Variants in USP31 observed in about 807,000 individuals in gnomAD.
USP31 encodes ubiquitin carboxyl-terminal hydrolase 31.
A neutral mutation model predicts 119.4 loss-of-function variants in USP31; 44 were observed. The observed-to-expected ratio is 0.37, with a 90% confidence interval of 0.29 to 0.47. The LOEUF (loss-of-function observed/expected upper bound fraction) is 0.47, where lower values mean the gene tolerates loss of function less well. Among genes scored for constraint, USP31 ranks in the 20% least tolerant of loss-of-function variants. The probability of loss-of-function intolerance (pLI) is 0.99; values close to 1 mark genes in which losing one functional copy is unlikely to be tolerated. For missense variants in USP31, 1,643 were observed against 1,730.2 expected, an observed-to-expected ratio of 0.95 and a Z score of 0.89; for synonymous variants, 749 against 705.6, an observed-to-expected ratio of 1.06 and a Z score of -0.97.
chr16:23,062,734 C>T lies in USP31; in HGVS notation c.*5312G>A, dbSNP rs1281602698. ...ACTAAGACCACCAATTTCCACCAGA[C>T]TGGCGAGTGCTAGGCCATTCACAAC... On this transcript the variant is annotated 3_prime_UTR_variant, in exon 16 of 16. Transcript: ENST00000219689. 6.6e-6 allele frequency: 1 copy of T among 152,636 alleles called. No individual in the cohort carries two copies. The highest frequency in any genetic ancestry group is 2.4e-5 in the African/African-American group (1 of 41,470). The allele number at this position is 152,636 out of a possible 1,614,324, so 9.5% of individuals were successfully genotyped here.
At chr16:23,088,771 C>T (rs1901225801) in intron 7 of USP31, among the ~76,000 whole-genome samples, 1 of 152,188 alleles carries the variant, frequency 6.6e-6, no homozygotes, top group Non-Finnish European at 1.5e-5. Flanking sequence ...CTGCCTCCAC[C>T]AATAGGCTGT....
chr16:23,123,816 A>C (rs1205568839), intron 1 of USP31, among the ~76,000 whole-genome samples: 1 of 152,110 alleles, frequency 6.6e-6, no homozygotes, highest in African/African-American at 2.4e-5. Context: ...CCCAGGCAAC[A>C]AAGAGAGACC....
At chr16:23,116,162 T>C (rs1233002639) in intron 1 of USP31, among the ~76,000 whole-genome samples, 1 of 152,124 alleles carries the variant, frequency 6.6e-6, no homozygotes, top group Non-Finnish European at 1.5e-5. Context: ...TTTGATTCTA[T>C]GCCAGAAGAA....
At chr16:23,084,264 T>C (rs1900991063) in intron 11 of USP31, among the ~76,000 whole-genome samples, 1 of 152,184 alleles carries the variant, frequency 6.6e-6, no homozygotes, top group Non-Finnish European at 1.5e-5. Flanking sequence ...AAGAGGCTTA[T>C]TTATCCATCT....
At chr16:23,088,534 C>T (rs145866451) in intron 7 of USP31, among the ~76,000 whole-genome samples, 5 of 152,296 alleles carry the variant, frequency 3.3e-5, no homozygotes, top group African/African-American at 1.2e-4. Flanking sequence ...CTCTCATCCA[C>T]GCCCAGTCAG....
At chr16:23,142,961 G>A (rs1367237273) in intron 1 of USP31, among the ~76,000 whole-genome samples, 1 of 152,188 alleles carries the variant, frequency 6.6e-6, no homozygotes. Context: ...CCATGGGTTT[G>A]CAGCATAGCA....
At chr16:23,084,629 T>C (rs747601406) in intron 11 of USP31, among the ~76,000 whole-genome samples, 1 of 152,208 alleles carries the variant, frequency 6.6e-6, no homozygotes, top group Non-Finnish European at 1.5e-5. Context: ...AAAAGAACTA[T>C]GAAGGTTCAT....
At chr16:23,098,511 CA>C (rs1901713374) in intron 6 of USP31, among the ~76,000 whole-genome samples, 1 of 152,110 alleles carries the variant, frequency 6.6e-6, no homozygotes, top group African/African-American at 2.4e-5. Flanking sequence ...CCCGCATCAC[CA>C]AGACAATCCT....
In USP31 at chr16:23,080,055, C is replaced by T; in HGVS notation, c.2067G>A (p.Trp689Ter). ...GTCCATAGGGCCGTCTCCACGGGGA[C>T]CAATGCGATGGCAAACTCCAGCTGC... Reference protein sequence around the residue: ...SQSSWSLPSHWSPWRRPYGLG... With the variant: ...SQSSWSLPSH The change falls in exon 13 of 16, where the codon TGG (tryptophan) becomes TGA (stop). Residue 689 changes from tryptophan to a stop codon, truncating the protein, a stop_gained. Coordinates refer to ENST00000219689, the MANE Select transcript of USP31 (RefSeq NM_020718.4). LOFTEE classifies it high-confidence loss of function. 6.2e-7 allele frequency: 1 copy of T among 1,614,098 alleles called. No individual in the cohort carries two copies. Among genetic ancestry groups the T allele is most frequent in the South Asian group, 1.1e-5 (1 of 91,068 alleles).
At chr16:23,096,104 T>C (rs1435003540) in intron 6 of USP31, among the ~76,000 whole-genome samples, 1 of 152,086 alleles carries the variant, frequency 6.6e-6, no homozygotes, top group Non-Finnish European at 1.5e-5. Context: ...ACCCATCTCA[T>C]GTGCAGAGAC....
In USP31 at chr16:23,069,171, C is replaced by T. The variant is rs774146623; in HGVS notation, c.2934G>A (p.Pro978=). 3 of 1,614,080 alleles carry T rather than the reference C, an allele frequency of 1.9e-6. No homozygotes were observed. The highest frequency in any genetic ancestry group is 2.2e-5 in the South Asian group (2 of 91,078). The change falls in exon 16 of 16, where the codon CCG becomes CCA. Residue 978 remains proline, a synonymous_variant. Transcript: ENST00000219689. ...TATTGTTATCAAATGGACCAGAGAG[C>T]GGGGGCAGGCGGTCCCCTTGTGCTG... ...KHSAQGDRLP[P]LSGPFDNNNQ...
At chr16:23,138,239 G>C (rs997259566) in intron 1 of USP31, among the ~76,000 whole-genome samples, 5 of 152,150 alleles carry the variant, frequency 3.3e-5, no homozygotes, top group African/African-American at 1.2e-4. Context: ...GAAATCTCTA[G>C]CCAAAACTCT....
chr16:23,087,227 T>C (rs923922968), intron 8 of USP31, 41 bp from the exon 9 acceptor site: 4 of 1,579,172 alleles, frequency 2.5e-6, no homozygotes, highest in Non-Finnish European at 2.6e-6. Flanking sequence ...AAATTTTTCT[T>C]CAAGGGCATC....
intron 1 of USP31, among the ~76,000 whole-genome samples, chr16:23,143,831 A>G (rs1903427046): frequency 6.6e-6 from 1 of 151,562 alleles, no homozygotes; most frequent in South Asian, 2.1e-4. Flanking sequence ...CCCTGATCCC[A>G]GCTGTGACAA....
In USP31 at chr16:23,148,990, A is replaced by C; in HGVS notation, c.281T>G (p.Phe94Cys). Residue 94 changes from phenylalanine to cysteine, a missense_variant, in exon 1 of 16, where the codon TTC becomes TGC. Physicochemically the swap from Phe to Cys is radical, Grantham distance 205. Transcript: ENST00000219689. ...GGGCGCGGCGGCCGGCCCGGGCGGG[A>C]AGCAGCTGCGGAGGCCGCCGCGGTC... Reference protein sequence around the residue: ...APDRGGLRSCFPPGPAAAPTP... With the variant: ...APDRGGLRSCCPPGPAAAPTP... The C allele has an allele frequency of 1.4e-5, 15 of 1,051,908 alleles. No homozygotes were observed. The highest frequency in any genetic ancestry group is 1.6e-5 in the Non-Finnish European group (14 of 866,262). The allele number at this position is 1,051,908 out of a possible 1,614,324, so 65.2% of individuals were successfully genotyped here.
At position 23,079,683 on chromosome 16, in the gene USP31, T is replaced by C. The variant is rs564117062; in HGVS notation, c.2176+263A>G. Reference sequence around the variant, plus strand: ...GCAGGTTAGGTAAACAAAGAGCAAATCCTCAGTTGACCAGACAATGCCATC... The same window carrying C: ...GCAGGTTAGGTAAACAAAGAGCAAACCCTCAGTTGACCAGACAATGCCATC... On this transcript the variant is annotated intron_variant, in intron 13 of 15. Transcript: ENST00000219689. 2.3e-5 allele frequency: 8 copies of C among 341,018 alleles called. No homozygotes were observed. In the South Asian group the frequency reaches 1.0e-3, roughly 43 times the overall value. 21.1% of individuals were successfully genotyped at this position (341,018 alleles called of 1,614,324 possible). A position where few individuals can be genotyped will look rare whatever the true frequency, so the allele number is the denominator to read the frequency against.
In USP31 at chr16:23,063,892, T is replaced by C. The variant is rs1899956794; in HGVS notation, c.*4154A>G. ...CTCAAAATGCATCTGCAAAATACTT[T>C]GAAAGTTGATCAAAAGGCAGTGTGA... On this transcript the variant is annotated 3_prime_UTR_variant, in exon 16 of 16. Transcript: ENST00000219689. The C allele has an allele frequency of 6.6e-6, 1 of 152,184 alleles. No individual in the cohort carries two copies. The highest frequency in any genetic ancestry group is 1.5e-5 in the Non-Finnish European group (1 of 68,024). 9.4% of individuals were successfully genotyped at this position (152,184 alleles called of 1,614,324 possible). A position where few individuals can be genotyped will look rare whatever the true frequency, so the allele number is the denominator to read the frequency against.
At position 23,069,463 on chromosome 16, in the gene USP31, G is replaced by A; in HGVS notation, c.2642C>T (p.Ser881Phe). Residue 881 changes from serine to phenylalanine, a missense_variant, in exon 16 of 16, where the codon TCC becomes TTC. Physicochemically the swap from Ser to Phe is radical, Grantham distance 155 (BLOSUM62 -2). Coordinates refer to ENST00000219689, the MANE Select transcript of USP31 (RefSeq NM_020718.4). ...AATTGGCGAATCCCCTGAAAATCGG[G>A]ATGGAGAATTGGAGCGCATCTGCAG... ...AKLQMRSNSPSRFSGDSPIHS... is the reference protein window; with the variant it reads ...AKLQMRSNSPFRFSGDSPIHS... 1 of 1,614,210 alleles carries A rather than the reference G, an allele frequency of 6.2e-7. No individual in the cohort carries two copies. Among genetic ancestry groups the A allele is most frequent in the Non-Finnish European group, 8.5e-7 (1 of 1,180,040 alleles).
intron 1 of USP31, among the ~76,000 whole-genome samples, chr16:23,114,829 G>T (rs1051638554): frequency 6.6e-6 from 1 of 152,164 alleles, no homozygotes; most frequent in African/African-American, 2.4e-5. Flanking sequence ...TTAAGGAAAA[G>T]AAAATCTTAA....
Sources: gnomAD v4.1 joint callset for allele counts (sites outside exome capture counted in the v4.1 genomes callset) on GRCh38, gnomAD v4.1.1 for gene constraint, MANE v1.5 for transcripts, NCBI Gene and HGNC (gene_info 2026-07-23, HGNC 2026-07-21) for gene names.